The following CREB5 variants were observed in gnomAD, a reference collection of about 807,000 sequenced individuals.
The protein encoded by CREB5 is cyclic AMP-responsive element-binding protein 5.
Under a neutral mutation model 57.1 loss-of-function variants are expected in CREB5, and 19 were observed. That is an observed-to-expected ratio of 0.33 (90% CI 0.23 to 0.49). CREB5 has a LOEUF of 0.49. Ranked by LOEUF, CREB5 falls within the 20% of genes least tolerant of loss-of-function variation. The probability of loss-of-function intolerance (pLI) is 0.99; values close to 1 mark genes in which losing one functional copy is unlikely to be tolerated. For synonymous variants in CREB5, 238 were observed against 238.3 expected (o/e 1.00, Z 0.01); for missense variants, 579 against 671.6 (o/e 0.86, Z 1.52).
intron 1 of CREB5, among the ~76,000 whole-genome samples, chr7:28,327,520 C>T (rs1785632099): frequency 6.6e-6 from 1 of 152,208 alleles, no homozygotes; most frequent in Non-Finnish European, 1.5e-5. Flanking sequence ...ATTTATATAA[C>T]TCATCTTCTG....
At position 28,445,847 on chromosome 7, in the gene CREB5, G is replaced by A. The variant is rs921412623; in HGVS notation, c.3+32930G>A. On this transcript the variant is annotated intron_variant, in intron 1 of 10. Transcript: ENST00000357727. ...ATTACAGGCGTGAGCCACTGCGCCC[G>A]GCCTATTCTTCTAACATACTTGAGA... 3.2e-4 allele frequency among the ~76,000 whole-genome samples: 48 copies of A among 152,292 alleles called. No individual in the cohort carries two copies. The Middle Eastern group carries it at 0.01, about 32-fold the overall frequency.
intron 1 of CREB5, among the ~76,000 whole-genome samples, chr7:28,302,593 C>T (rs1785115491): frequency 6.6e-6 from 1 of 152,154 alleles, no homozygotes; most frequent in African/African-American, 2.4e-5. Flanking sequence ...GTTTTCATGC[C>T]TCTTCCAAAG....
chr7:28,664,679 C>A (rs1426371513), intron 5 of CREB5, among the ~76,000 whole-genome samples: 15 of 152,120 alleles, frequency 9.9e-5, no homozygotes. Context: ...ACTATTTCAG[C>A]ATGCCGTCTG....
intron 5 of CREB5, among the ~76,000 whole-genome samples, chr7:28,580,796 A>G (rs1796096705): frequency 6.6e-6 from 1 of 152,140 alleles, no homozygotes; most frequent in South Asian, 2.1e-4. Context: ...CACAGAACAC[A>G]AAGGCCCGAC....
intron 4 of CREB5, among the ~76,000 whole-genome samples, chr7:28,536,099 T>C (rs539333349): frequency 1.2e-4 from 18 of 152,288 alleles, no homozygotes; most frequent in African/African-American, 4.3e-4. Flanking sequence ...TTTCCCCATC[T>C]ATGTTGCAGA....
intron 5 of CREB5, among the ~76,000 whole-genome samples, chr7:28,659,377 A>G (rs544417365): frequency 2.0e-5 from 3 of 152,252 alleles, no homozygotes; most frequent in Non-Finnish European, 4.4e-5. Context: ...ATTTTTTCCA[A>G]TTATGAGGAA....
chr7:28,369,619 A>G (rs924888528), intron 1 of CREB5, among the ~76,000 whole-genome samples: 3 of 152,174 alleles, frequency 2.0e-5, no homozygotes, highest in African/African-American at 7.2e-5. Flanking sequence ...TGCTGTTATC[A>G]CCCCATCCGA....
chr7:28,659,438 C>T (rs188367355), intron 5 of CREB5, among the ~76,000 whole-genome samples: 14 of 152,196 alleles, frequency 9.2e-5, no homozygotes, highest in Admixed American at 3.9e-4. Context: ...CCTTTTTATT[C>T]TTCTCTCAGT....
intron 1 of CREB5, among the ~76,000 whole-genome samples, chr7:28,478,425 G>A (rs932057628): frequency 3.3e-5 from 5 of 151,808 alleles, no homozygotes; most frequent in Admixed American, 3.3e-4. Flanking sequence ...ATATGTGTGT[G>A]TATTTTTGCT....
intron 4 of CREB5, chr7:28,513,674 G>A (rs991086770): frequency 2.6e-5 from 4 of 152,158 alleles, no homozygotes; most frequent in Non-Finnish European, 5.9e-5. Context: ...ACGCTGGAAG[G>A]GAATTTGACT....
chr7:28,610,551 C>T (rs1011321420), intron 5 of CREB5, among the ~76,000 whole-genome samples: 1 of 152,166 alleles, frequency 6.6e-6, no homozygotes, highest in African/African-American at 2.4e-5. Flanking sequence ...AATGAAAACA[C>T]AAGAACTGCA....
In CREB5 at chr7:28,399,033, G is replaced by A. The variant is rs533115858; in HGVS notation, c.-24-95873G>A. Among the ~76,000 whole-genome samples the A allele has an allele frequency of 3.3e-5, 5 of 151,984 alleles. No homozygotes were observed. The South Asian group carries it at 6.2e-4, about 19-fold the overall frequency. ...ACCTGGTCTAATATTTTTTCTTCCC[G>A]TCTGATGTTCTATTATACATACCTA... On this transcript the variant is annotated intron_variant, in intron 1 of 9. Coordinates refer to the CREB5 transcript ENST00000396299.
chr7:28,596,600 A>G (rs1456388326), intron 5 of CREB5, among the ~76,000 whole-genome samples: 1 of 152,190 alleles, frequency 6.6e-6, no homozygotes, highest in African/African-American at 2.4e-5. Flanking sequence ...AGTCTTTTGA[A>G]CCAGTTAAAA....
At chr7:28,519,282 C>T (rs1793105646) in intron 4 of CREB5, among the ~76,000 whole-genome samples, 2 of 152,068 alleles carry the variant, frequency 1.3e-5, no homozygotes, top group Non-Finnish European at 2.9e-5. Context: ...ACATGTATTA[C>T]AACATACATG....
intron 4 of CREB5, among the ~76,000 whole-genome samples, chr7:28,517,562 T>A (rs1345674348): frequency 3.3e-5 from 5 of 152,174 alleles, no homozygotes; most frequent in African/African-American, 9.7e-5. Flanking sequence ...ACGGTGGATT[T>A]TCCCCCCTGA....
At chr7:28,575,572 C>A (rs574115432) in intron 5 of CREB5, among the ~76,000 whole-genome samples, 1 of 152,350 alleles carries the variant, frequency 6.6e-6, no homozygotes, top group East Asian at 1.9e-4. Flanking sequence ...GGCCAGCCTC[C>A]TTCCTGCTGG....
intron 1 of CREB5, among the ~76,000 whole-genome samples, chr7:28,417,209 C>T (rs1788062755): frequency 1.3e-5 from 2 of 152,050 alleles, no homozygotes; most frequent in African/African-American, 4.8e-5. Flanking sequence ...GTTTTAGTAG[C>T]CACATTAAAA....
chr7:28,759,693 A>T lies in CREB5; in HGVS notation c.702+35361A>T, dbSNP rs1276974049. On this transcript the variant is annotated intron_variant, in intron 7 of 10. Coordinates refer to ENST00000357727, the MANE Select transcript of CREB5 (RefSeq NM_182898.4). ...CCCATTCATTTGTGCTCAGGCGAGG[A>T]TGGAGGGTCACTTGCCTTTGTATAG... Among the ~76,000 whole-genome samples the T allele has an allele frequency of 1.5e-4, 23 of 152,204 alleles. 2 individuals are homozygous for T. Among genetic ancestry groups the T allele is most frequent in the Non-Finnish European group, 3.4e-4 (23 of 68,046 alleles).
At chr7:28,733,564 G>A (rs1803790197) in intron 7 of CREB5, among the ~76,000 whole-genome samples, 1 of 152,170 alleles carries the variant, frequency 6.6e-6, no homozygotes, top group Non-Finnish European at 1.5e-5. Flanking sequence ...TACCTTTCCT[G>A]TGAAGTCTTC....
Sources: allele counts gnomAD v4.1 joint callset (sites outside exome capture counted in the v4.1 genomes callset), GRCh38; gene constraint gnomAD v4.1.1; transcripts MANE v1.5; gene names NCBI Gene and HGNC (gene_info 2026-07-23, HGNC 2026-07-21).